Variants in GDPD5 observed in about 807,000 individuals in gnomAD.
GDPD5 encodes the protein glycerophosphodiester phosphodiesterase 2.
In GDPD5, 48 loss-of-function variants were observed where a neutral mutation model predicts 75.1. The observed-to-expected ratio is 0.64, with a 90% CI of 0.51 to 0.81. The LOEUF is 0.81. Ranked by LOEUF, GDPD5 falls within the 40% of genes least tolerant of loss-of-function variation. The pLI, the probability that GDPD5 is intolerant of heterozygous loss-of-function variation, is 0.00. For missense variants in GDPD5, 706 were observed against 822.6 expected (o/e 0.86, Z 1.73); for synonymous variants, 336 against 339.0 (o/e 0.99, Z 0.10).
Position 75,449,920 on chromosome 11 carries a change from C to A in GDPD5, c.439G>T (p.Glu147Ter). The A allele has an allele frequency of 6.2e-7, 1 of 1,613,822 alleles. No individual in the cohort carries two copies. The highest frequency in any genetic ancestry group is 2.2e-5 in the East Asian group (1 of 44,888). ...VAMSAVAQLWEDEWEVLLISL... is the reference protein window; with the variant it reads ...VAMSAVAQLW Reference sequence around the variant, plus strand: ...ATCAGCAGCACCTCCCACTCGTCCTCCCACAGCTGGGCCACGGCCGACATG... The same window carrying A: ...ATCAGCAGCACCTCCCACTCGTCCTACCACAGCTGGGCCACGGCCGACATG... Residue 147 changes from glutamate to a stop codon, truncating the protein, a stop_gained, in exon 7 of 17, where the codon GAG (glutamate) becomes TAG (stop). Transcript: ENST00000336898. LOFTEE classifies it high-confidence loss of function.
At position 75,449,645 on chromosome 11, in the gene GDPD5, G is replaced by C. The variant is rs374364380; in HGVS notation, c.475-35C>G. On this transcript the variant is annotated intron_variant, in intron 7 of 16. Coordinates refer to ENST00000336898, the MANE Select transcript of GDPD5 (RefSeq NM_030792.8). ...GGGAGAGGGAAGGGAGACCAGTAAC[G>C]CCCAGCTCTGCCCAGACCCTGTGTC... 3 of 1,540,628 alleles carry C rather than the reference G, an allele frequency of 1.9e-6. No homozygotes were observed. In the Admixed American group the frequency reaches 5.9e-5, roughly 30 times the overall value.
Position 75,435,242 on chromosome 11 carries a change from AG to A in GDPD5, c.*264del. On this transcript the variant is annotated 3_prime_UTR_variant, in exon 17 of 17. Coordinates refer to ENST00000336898, the MANE Select transcript of GDPD5 (RefSeq NM_030792.8). ...GGGATACAGGAGAGGGCCTCAGAAG[AG>A]GGGGACCAAGCCCTAGGCCCCATAC... 2.6e-6 allele frequency: 1 copy of A among 387,940 alleles called. No individual in the cohort carries two copies. The highest frequency in any genetic ancestry group is 6.6e-4 in the Middle Eastern group (1 of 1,504). 24.0% of individuals were successfully genotyped at this position (387,940 alleles called of 1,614,324 possible).
intron 4 of GDPD5, 26 bp from the exon 5 acceptor site, chr11:75,457,812 T>G (rs754521231): frequency 3.8e-6 from 6 of 1,573,166 alleles, no homozygotes; most frequent in Admixed American, 1.7e-5. Flanking sequence ...GGGGCAGGGG[T>G]CAGACCTCCA....
At chr11:75,457,955 C>A (rs1949325961) in intron 4 of GDPD5, among the ~76,000 whole-genome samples, 169 bp from the exon 5 acceptor site, 1 of 152,248 alleles carries the variant, frequency 6.6e-6, no homozygotes, top group African/African-American at 2.4e-5. Context: ...CATGCCTGCT[C>A]ATGGCAGCCA....
chr11:75,510,833 G>C (rs1186168505), intron 1 of GDPD5, among the ~76,000 whole-genome samples: 1 of 152,078 alleles, frequency 6.6e-6, no homozygotes, highest in South Asian at 2.1e-4. Context: ...CAGGGTAATG[G>C]GTCCTGGAAT....
intron 1 of GDPD5, among the ~76,000 whole-genome samples, chr11:75,515,267 C>T (rs1950612820): frequency 6.6e-6 from 1 of 152,228 alleles, no homozygotes; most frequent in Non-Finnish European, 1.5e-5. Context: ...CAGACAACAC[C>T]CCGTGGGGGC....
intron 1 of GDPD5, among the ~76,000 whole-genome samples, chr11:75,509,240 T>G (rs1171961253): frequency 6.6e-6 from 1 of 152,138 alleles, no homozygotes; most frequent in Non-Finnish European, 1.5e-5. Flanking sequence ...GACCCCTGGG[T>G]TGCAGCCAGG....
In GDPD5 at chr11:75,435,628, T is replaced by C; in HGVS notation, c.1697A>G (p.Asp566Gly). 6.2e-7 allele frequency: 1 copy of C among 1,612,954 alleles called. No individual in the cohort carries two copies. The highest frequency in any genetic ancestry group is 8.5e-7 in the Non-Finnish European group (1 of 1,179,482). Residue 566 changes from aspartate to glycine, a missense_variant, in exon 17 of 17, where the codon GAT becomes GGT. Physicochemically the swap from Asp to Gly is moderately conservative, Grantham distance 94. Coordinates refer to ENST00000336898, the MANE Select transcript of GDPD5 (RefSeq NM_030792.8). Reference protein sequence around the residue: ...SEISDGVEVSDVLSVCSDNSY... With the variant: ...SEISDGVEVSGVLSVCSDNSY... The stretch of plus-strand genomic sequence containing the variant: ...GTTGTCTGAACATACGGAGAGCACA[T>C]CGGAGACCTCTACACCATCGCTGAT...
intron 1 of GDPD5, among the ~76,000 whole-genome samples, chr11:75,522,331 G>A (rs948208738): frequency 1.3e-5 from 2 of 152,170 alleles, no homozygotes; most frequent in African/African-American, 4.8e-5. Flanking sequence ...GCACAGCCAG[G>A]ATTCCTTCTT....
At position 75,435,547 on chromosome 11, in the gene GDPD5, C is replaced by T; in HGVS notation, c.1778G>A (p.Gly593Asp). Residue 593 changes from glycine (G) to aspartate (D), a missense_variant, in exon 17 of 17, where the codon GGC (glycine) becomes GAC (aspartate). By Grantham distance (94) the Gly-to-Asp change is moderately conservative. Coordinates refer to ENST00000336898, the MANE Select transcript of GDPD5 (RefSeq NM_030792.8). ...CTCTATGAGGGTCTTGGTGTGGCTG[C>T]CACCCCCTCGGGGGCCCACAGGGGT... The part of the protein sequence containing the change: ...TATPVGPRGG[G>D]SHTKTLIERS... 2 of 1,612,202 alleles carry T rather than the reference C, an allele frequency of 1.2e-6. No homozygotes were observed. The highest frequency in any genetic ancestry group is 1.7e-6 in the Non-Finnish European group (2 of 1,179,364).
At chr11:75,460,726 A>G (rs1949392723) in intron 4 of GDPD5, among the ~76,000 whole-genome samples, 1 of 152,056 alleles carries the variant, frequency 6.6e-6, no homozygotes, top group Non-Finnish European at 1.5e-5. Flanking sequence ...GATTACAGGC[A>G]TGAGTCATTG....
intron 1 of GDPD5, among the ~76,000 whole-genome samples, chr11:75,494,089 T>C (rs917948694): frequency 2.0e-5 from 3 of 152,180 alleles, no homozygotes; most frequent in East Asian, 1.9e-4. Context: ...TATTTAAAAA[T>C]CTGATCTTCA....
At chr11:75,470,718 A>G (rs981224735) in intron 3 of GDPD5, among the ~76,000 whole-genome samples, 1 of 152,230 alleles carries the variant, frequency 6.6e-6, no homozygotes, top group Non-Finnish European at 1.5e-5. Flanking sequence ...ATACATCTTA[A>G]TCCATCTGGA....
chr11:75,447,233 C>T (rs772112381), intron 9 of GDPD5, among the ~76,000 whole-genome samples: 1 of 152,144 alleles, frequency 6.6e-6, no homozygotes, highest in Non-Finnish European at 1.5e-5. Flanking sequence ...CAACCAGATG[C>T]GTGCTGTGGA....
chr11:75,460,729 A>G (rs1949392851), intron 4 of GDPD5, among the ~76,000 whole-genome samples: 1 of 152,014 alleles, frequency 6.6e-6, no homozygotes, highest in African/African-American at 2.4e-5. Context: ...TACAGGCATG[A>G]GTCATTGTGC....
In GDPD5 at chr11:75,443,161, A is replaced by T; in HGVS notation, c.923T>A (p.Leu308His). 1 of 1,604,598 alleles carries T rather than the reference A, an allele frequency of 6.2e-7. No homozygotes were observed. Among genetic ancestry groups the T allele is most frequent in the African/African-American group, 1.3e-5 (1 of 74,902 alleles). ...SMLNWTTLQR[L>H]NAGQWFLKTD... ...CTTCAGGAACCACTGGCCAGCGTTG[A>T]GTCTCTGCAGGGTGGTCCAGTTAAG... is the stretch of plus-strand genomic sequence containing the variant. The change falls in exon 11 of 17, where the codon CTC becomes CAC. Residue 308 changes from leucine (L) to histidine (H), a missense_variant. Physicochemically the swap from Leu to His is moderately conservative, Grantham distance 99. Coordinates refer to ENST00000336898, the MANE Select transcript of GDPD5 (RefSeq NM_030792.8).
chr11:75,477,218 GCCCT>G (rs1215454940), intron 3 of GDPD5, among the ~76,000 whole-genome samples: 1 of 152,114 alleles, frequency 6.6e-6, no homozygotes, highest in African/African-American at 2.4e-5. Context: ...CCAGACCGTG[GCCCT>G]GCCAGCTCCC....
intron 1 of GDPD5, among the ~76,000 whole-genome samples, chr11:75,500,994 C>T (rs2135451979): frequency 6.6e-6 from 1 of 152,354 alleles, no homozygotes; most frequent in South Asian, 2.1e-4. Flanking sequence ...ATCCATTCAG[C>T]AGCCACGCTA....
At chr11:75,478,985 C>T (rs553910499) in intron 2 of GDPD5, among the ~76,000 whole-genome samples, 93 of 152,298 alleles carry the variant, frequency 6.1e-4, no homozygotes, top group African/African-American at 1.9e-3. Context: ...GCTCCCTCAC[C>T]GGGTGGGGCC....
Sources: allele counts gnomAD v4.1 joint callset (sites outside exome capture counted in the v4.1 genomes callset), GRCh38; gene constraint gnomAD v4.1.1; transcripts MANE v1.5; gene names NCBI Gene and HGNC (gene_info 2026-07-23, HGNC 2026-07-21).